Variants in PLXND1 observed in about 807,000 individuals in gnomAD.
PLXND1 encodes plexin D1.
In PLXND1, 54 loss-of-function variants were observed where a neutral mutation model predicts 197.7. That is an observed-to-expected ratio of 0.27 (90% CI 0.22 to 0.34). The LOEUF (loss-of-function observed/expected upper bound fraction) is 0.34, where lower values mean the gene tolerates loss of function less well. PLXND1 is among the 10% of genes least tolerant of loss of function. The pLI is 1.00. For synonymous variants in PLXND1, 1,180 were observed against 1,161.2 expected (o/e 1.02, Z -0.33); for missense variants, 2,127 against 2,699.2 (o/e 0.79, Z 4.70).
intron 2 of PLXND1, 44 bp downstream of exon 2, chr3:129,589,307 G>GCCGGGGGCCC: frequency 2.9e-6 from 2 of 684,690 alleles, no homozygotes; most frequent in Admixed American, 2.3e-5. Context: ...TCCCAGGGGA[G>GCCGGGGGCCC]CCTCCCACCC....
chr3:129,570,019 T>A, intron 19 of PLXND1, 62 bp from the exon 20 acceptor site: 1 of 936,108 alleles, frequency 1.1e-6, no homozygotes, highest in Non-Finnish European at 1.8e-6. Flanking sequence ...GTTCTGCTCC[T>A]CACTTGCTGT....
In PLXND1 at chr3:129,571,604, G is replaced by A. The variant is rs201054339; in HGVS notation, c.3246-5C>T. On this transcript the variant is annotated splice_region_variant and splice_polypyrimidine_tract_variant and intron_variant, in intron 16 of 35. Coordinates refer to ENST00000324093, the MANE Select transcript of PLXND1 (RefSeq NM_015103.3). Reference sequence around the variant, plus strand: ...ACTGTGATGGTCCTGCCGCCACTGCGGGGGACAGCAAAACCTATCAGTGCA... The same window carrying A: ...ACTGTGATGGTCCTGCCGCCACTGCAGGGGACAGCAAAACCTATCAGTGCA... The A allele has an allele frequency of 4.8e-4, 771 of 1,613,870 alleles. 2 individuals carry two copies. Among genetic ancestry groups the A allele is most frequent in the South Asian group, 1.6e-3 (147 of 91,082 alleles).
At position 129,572,356 on chromosome 3, in the gene PLXND1, C is replaced by T. The variant is rs555962192; in HGVS notation, c.3077+253G>A. 2.5e-4 allele frequency among the ~76,000 whole-genome samples: 38 copies of T among 152,364 alleles called. 1 individual carries two copies. In the South Asian group the frequency reaches 7.5e-3, roughly 30 times the overall value. ...AAGATCTGTGTGTGTGCAATCAACACCATTCTCATTACAGCTATCACTTAT... is the reference window on the plus strand; with the variant it reads ...AAGATCTGTGTGTGTGCAATCAACATCATTCTCATTACAGCTATCACTTAT... On this transcript the variant is annotated intron_variant, in intron 15 of 35. Transcript: ENST00000324093.
Position 129,555,495 on chromosome 3 carries a change from C to A in PLXND1, c.*817G>T, listed in dbSNP as rs370213668. The A allele has an allele frequency of 1.5e-6, 1 of 679,002 alleles. No individual in the cohort carries two copies. Among genetic ancestry groups the A allele is most frequent in the Non-Finnish European group, 2.6e-6 (1 of 379,134 alleles). 42.1% of individuals were successfully genotyped at this position (679,002 alleles called of 1,614,324 possible). On this transcript the variant is annotated 3_prime_UTR_variant, in exon 36 of 36. Transcript: ENST00000324093. Reference sequence around the variant, plus strand: ...CCCCTCCCCGGGTCCTCTGCGCAAGCGGCAGCTATTCACAGTTGGTGCATG... The same window carrying A: ...CCCCTCCCCGGGTCCTCTGCGCAAGAGGCAGCTATTCACAGTTGGTGCATG...
rs1346681468 is a variant in PLXND1 at position 129,566,601 on chromosome 3, G to A, written c.4117C>T (p.Leu1373=). 2 of 1,611,200 alleles carry A rather than the reference G, an allele frequency of 1.2e-6. No homozygotes were observed. Residue 1373 remains leucine (L), a synonymous_variant, in exon 23 of 36, where the codon CTG becomes TTG. Coordinates refer to ENST00000324093, the MANE Select transcript of PLXND1 (RefSeq NM_015103.3). ...TGGGAGTTGAGGGTCTGGGAGGGCA[G>A]CACGTAACGCTCTTCATAAAGGGAG... The part of the protein sequence containing the change: ...CSSLYEERYV[L]PSQTLNSQGS...
At chr3:129,574,852 A>G (rs2085288893) in intron 11 of PLXND1, among the ~76,000 whole-genome samples, 1 of 152,124 alleles carries the variant, frequency 6.6e-6, no homozygotes, top group Non-Finnish European at 1.5e-5. Context: ...TCCCACCCAG[A>G]CCTCAGTGGG....
In PLXND1 at chr3:129,556,620, C is replaced by A; in HGVS notation, c.5658G>T (p.Pro1886=). The part of the protein sequence containing the change: ...EIYKYAKRYR[P]QIMAALEANP... Reference sequence around the variant, plus strand: ...TGCCTCACCCTGGGGCACTCACCTGCGGCCGATACCTCTTGGCGTACTTAT... The same window carrying A: ...TGCCTCACCCTGGGGCACTCACCTGAGGCCGATACCTCTTGGCGTACTTAT... Residue 1886 remains proline (P), a synonymous_variant, in exon 35 of 36, where the codon CCG becomes CCT. Coordinates refer to ENST00000324093, the MANE Select transcript of PLXND1 (RefSeq NM_015103.3). The A allele has an allele frequency of 6.2e-7, 1 of 1,610,560 alleles. No homozygotes were observed. The highest frequency in any genetic ancestry group is 1.1e-5 in the South Asian group (1 of 90,740).
intron 29 of PLXND1, among the ~76,000 whole-genome samples, chr3:129,561,343 G>A (rs1339774593): frequency 6.6e-6 from 1 of 152,192 alleles, no homozygotes; most frequent in African/African-American, 2.4e-5. Flanking sequence ...CATGGCCCAA[G>A]GCTGAGACGG....
In PLXND1 at chr3:129,555,380, G is replaced by A; in HGVS notation, c.*932C>T. On this transcript the variant is annotated 3_prime_UTR_variant, in exon 36 of 36. Coordinates refer to ENST00000324093, the MANE Select transcript of PLXND1 (RefSeq NM_015103.3). ...GTCGTTTCTGGCAGGAACGGAGTGG[G>A]TGGTAGTCTCAGGCGCCAGGGGCGC... 1 of 626,140 alleles carries A rather than the reference G, an allele frequency of 1.6e-6. No homozygotes were observed. The highest frequency in any genetic ancestry group is 2.8e-6 in the Non-Finnish European group (1 of 356,648). 38.8% of individuals were successfully genotyped at this position (626,140 alleles called of 1,614,324 possible).
rs200337183 is a variant in PLXND1 at position 129,559,605 on chromosome 3, C to T, written c.5297+15G>A. On this transcript the variant is annotated intron_variant, in intron 32 of 35. Coordinates refer to ENST00000324093, the MANE Select transcript of PLXND1 (RefSeq NM_015103.3). The stretch of plus-strand genomic sequence containing the variant: ...AGTGGCACAGTGAAGTCCACACGGC[C>T]CCCCCACCCGCCACCTGTTGGTCTT... The T allele has an allele frequency of 3.3e-6, 5 of 1,535,004 alleles. No homozygotes were observed. Among genetic ancestry groups the T allele is most frequent in the Non-Finnish European group, 4.4e-6 (5 of 1,146,492 alleles).
In PLXND1 at chr3:129,606,304, G is replaced by C; in HGVS notation, c.336C>G (p.Ala112=). The change falls in exon 1 of 36, where the codon GCC becomes GCG. Residue 112 remains alanine, a synonymous_variant. Coordinates refer to ENST00000324093, the MANE Select transcript of PLXND1 (RefSeq NM_015103.3). ...PLCHAPQLPQ[A]SCEHPRRLTD... ...TGAGGCGCCGCGGGTGCTCGCACGA[G>C]GCCTGCGGCAGCTGCGGAGCGTGAC... The C allele has an allele frequency of 6.6e-7, 1 of 1,521,662 alleles. No individual in the cohort carries two copies. Among genetic ancestry groups the C allele is most frequent in the Non-Finnish European group, 8.8e-7 (1 of 1,140,326 alleles). The allele number at this position is 1,521,662 out of a possible 1,614,324, so 94.3% of individuals were successfully genotyped here.
chr3:129,586,726 G>A lies in PLXND1; in HGVS notation c.1489-7C>T, dbSNP rs769484095. The stretch of plus-strand genomic sequence containing the variant: ...TGCTCTCGTTCAGGTTGATCTGTGG[G>A]GGTAGTGGGCATCAGGGTGCTGGAG... On this transcript the variant is annotated splice_region_variant and splice_polypyrimidine_tract_variant and intron_variant, in intron 2 of 35. Coordinates refer to ENST00000324093, the MANE Select transcript of PLXND1 (RefSeq NM_015103.3). The A allele has an allele frequency of 6.3e-7, 1 of 1,599,798 alleles. No homozygotes were observed. Among genetic ancestry groups the A allele is most frequent in the South Asian group, 1.1e-5 (1 of 88,268 alleles).
Position 129,565,917 on chromosome 3 carries a change from T to C in PLXND1, c.4292A>G (p.Glu1431Gly). 6.2e-7 allele frequency: 1 copy of C among 1,614,184 alleles called. No homozygotes were observed. The highest frequency in any genetic ancestry group is 8.5e-7 in the Non-Finnish European group (1 of 1,180,016). The change falls in exon 24 of 36, where the codon GAG (glutamate) becomes GGG (glycine). Residue 1431 changes from glutamate (E) to glycine (G), a missense_variant. Physicochemically the swap from Glu to Gly is moderately conservative, Grantham distance 98. Coordinates refer to ENST00000324093, the MANE Select transcript of PLXND1 (RefSeq NM_015103.3). ...HFLIVFVHAL[E>G]QQKDFAVRDR... ...GCGCACCGCAAAGTCCTTCTGCTGC[T>C]CCAGCGCGTGGACAAAGACGATGAG... is the stretch of plus-strand genomic sequence containing the variant.
Position 129,573,938 on chromosome 3 carries a change from T to A in PLXND1, c.2686-193A>T, listed in dbSNP as rs955173537. Among the ~76,000 whole-genome samples, 4 of 152,142 alleles carry A rather than the reference T, an allele frequency of 2.6e-5. 1 individual carries two copies. Among genetic ancestry groups the A allele is most frequent in the African/African-American group, 9.7e-5 (4 of 41,430 alleles). The stretch of plus-strand genomic sequence containing the variant: ...TGTGCTGGCAAGGAGGATGTGGGTG[T>A]GCATTACTGAGCCCACGTGGGCCTG... On this transcript the variant is annotated intron_variant, in intron 12 of 35. Coordinates refer to ENST00000324093, the MANE Select transcript of PLXND1 (RefSeq NM_015103.3).
chr3:129,585,606 G>A (rs1025864513), intron 5 of PLXND1, among the ~76,000 whole-genome samples: 1 of 152,178 alleles, frequency 6.6e-6, no homozygotes, highest in Admixed American at 6.5e-5. Flanking sequence ...TCTAGAACCC[G>A]CCTCTTGAGT....
Position 129,559,917 on chromosome 3 carries a change from C to T in PLXND1, c.5134-134G>A, listed in dbSNP as rs147328612. 7.1e-3 allele frequency: 5,416 copies of T among 761,028 alleles called. 36 individuals carry two copies. The highest frequency in any genetic ancestry group is 0.012 in the Admixed American group (398 of 33,606). 47.1% of individuals were successfully genotyped at this position (761,028 alleles called of 1,614,324 possible). Reference sequence around the variant, plus strand: ...AGCCACATGGCATCAGGCTGGTCACCGAGCCTCTCTGGCTCACTTGCCTCC... The same window carrying T: ...AGCCACATGGCATCAGGCTGGTCACTGAGCCTCTCTGGCTCACTTGCCTCC... On this transcript the variant is annotated intron_variant, in intron 31 of 35. Coordinates refer to ENST00000324093, the MANE Select transcript of PLXND1 (RefSeq NM_015103.3).
chr3:129,589,308 C>CCGGGGGG, intron 2 of PLXND1, 43 bp downstream of exon 2: 4 of 628,602 alleles, frequency 6.4e-6, no homozygotes, highest in Non-Finnish European at 8.6e-6. Flanking sequence ...CCCAGGGGAG[C>CCGGGGGG]CTCCCACCCC....
chr3:129,578,728 C>T (rs1338608669), intron 8 of PLXND1, among the ~76,000 whole-genome samples: 3 of 152,180 alleles, frequency 2.0e-5, no homozygotes, highest in Non-Finnish European at 2.9e-5. Context: ...TGGCCTCAGA[C>T]GAGGCTGGGA....
At chr3:129,576,485 C>T (rs1423900145) in intron 9 of PLXND1, among the ~76,000 whole-genome samples, 2 of 152,224 alleles carry the variant, frequency 1.3e-5, no homozygotes, top group African/African-American at 4.8e-5. Flanking sequence ...CTACGAAGCT[C>T]CTAGAGCTGC....
Sources: allele counts gnomAD v4.1 joint callset (sites outside exome capture counted in the v4.1 genomes callset), GRCh38; gene constraint gnomAD v4.1.1; transcripts MANE v1.5; gene names NCBI Gene and HGNC (gene_info 2026-07-23, HGNC 2026-07-21).